The following CEP112 variants were observed in gnomAD, a reference collection of about 807,000 sequenced individuals.
CEP112 encodes centrosomal protein of 112 kDa.
CEP112 carries 127 observed loss-of-function variants against 153.0 expected under a neutral mutation model. The ratio of observed to expected loss-of-function variants is 0.83; its 90% CI spans 0.72 to 0.96. The LOEUF (loss-of-function observed/expected upper bound fraction) is 0.96, where lower values mean the gene tolerates loss of function less well. CEP112 is among the 40% of genes least tolerant of loss of function. CEP112 has a pLI of 0.00. For synonymous variants in CEP112, 358 were observed against 374.4 expected, an observed-to-expected ratio of 0.96 and a Z score of 0.51; for missense variants, 1,089 against 1,101.2, an observed-to-expected ratio of 0.99 and a Z score of 0.16.
intron 23 of CEP112, among the ~76,000 whole-genome samples, chr17:65,729,052 C>T (rs1281089169): frequency 6.6e-6 from 1 of 152,118 alleles, no homozygotes; most frequent in Admixed American, 6.5e-5. Context: ...TGCAGCTATA[C>T]AATATTTTTT....
chr17:65,797,160 C>A (rs887646067), intron 21 of CEP112: 1 of 152,216 alleles, frequency 6.6e-6, no homozygotes, highest in Non-Finnish European at 1.5e-5. Flanking sequence ...ATGATCAGTA[C>A]CACAGATTTC....
chr17:65,892,061 T>C lies in CEP112; in HGVS notation c.2163+10091A>G, dbSNP rs763882134. 4.7e-4 allele frequency among the ~76,000 whole-genome samples: 72 copies of C among 152,330 alleles called. 1 individual carries two copies. The highest frequency in any genetic ancestry group is 3.9e-4 in the East Asian group (2 of 5,182). On this transcript the variant is annotated intron_variant, in intron 20 of 26. Coordinates refer to ENST00000535342, the MANE Select transcript of CEP112 (RefSeq NM_001199165.4). ...TCCCCAATGCAACTGTAATTTCCTTTAGAGCAGAGTACTGGTCTATCTTGC... is the reference window on the plus strand; with the variant it reads ...TCCCCAATGCAACTGTAATTTCCTTCAGAGCAGAGTACTGGTCTATCTTGC...
chr17:65,966,373 C>T (rs1458725090), intron 17 of CEP112, among the ~76,000 whole-genome samples: 1 of 152,138 alleles, frequency 6.6e-6, no homozygotes, highest in Admixed American at 6.6e-5. Flanking sequence ...ACAGGTGAAC[C>T]TTAATTTGAA....
At chr17:65,738,274 C>T (rs868120165) in intron 23 of CEP112, among the ~76,000 whole-genome samples, 1 of 152,072 alleles carries the variant, frequency 6.6e-6, no homozygotes, top group Non-Finnish European at 1.5e-5. Flanking sequence ...ATCATAAACC[C>T]GGACAGTGTG....
rs552759959 is a variant in CEP112, at chr17:65,647,569, G to A, written c.2698-6504C>T. 1.6e-4 allele frequency among the ~76,000 whole-genome samples: 22 copies of A among 138,002 alleles called. 1 individual carries two copies. The highest frequency in any genetic ancestry group is 7.7e-4 in the South Asian group (3 of 3,902). 90.5% of individuals were successfully genotyped at this position (138,002 alleles called of 152,430 possible). ...CAGCTTATTGCAGCCTCAACCTCCC[G>A]AGGCTCAAGTGATCCTCCTGCCTCA... On this transcript the variant is annotated intron_variant, in intron 24 of 26. Transcript: ENST00000535342.
At chr17:65,876,092 G>A (rs971222267) in intron 20 of CEP112, among the ~76,000 whole-genome samples, 4 of 152,068 alleles carry the variant, frequency 2.6e-5, no homozygotes, top group Admixed American at 2.0e-4. Context: ...CTCCACTTCT[G>A]TTCCAATCTG....
At chr17:65,900,540 T>A (rs1186782975) in intron 20 of CEP112, among the ~76,000 whole-genome samples, 1 of 152,116 alleles carries the variant, frequency 6.6e-6, no homozygotes, top group Non-Finnish European at 1.5e-5. Flanking sequence ...CCCTCTAAAT[T>A]TGGCCTCCAC....
chr17:65,772,033 T>C (rs1380593850), intron 21 of CEP112, among the ~76,000 whole-genome samples: 1 of 151,390 alleles, frequency 6.6e-6, no homozygotes, highest in African/African-American at 2.4e-5. Context: ...GAAAAAAAAA[T>C]TGCAAAGGAA....
At chr17:65,685,862 A>G (rs940975841) in intron 24 of CEP112, among the ~76,000 whole-genome samples, 1 of 151,826 alleles carries the variant, frequency 6.6e-6, no homozygotes, top group Non-Finnish European at 1.5e-5. Flanking sequence ...TAGTAGAGAC[A>G]GGATTTCACC....
intron 23 of CEP112, among the ~76,000 whole-genome samples, chr17:65,728,895 C>T (rs1236964539): frequency 6.6e-6 from 1 of 152,052 alleles, no homozygotes; most frequent in Non-Finnish European, 1.5e-5. Flanking sequence ...TACACTTAGG[C>T]TATGCTAAAT....
intron 11 of CEP112, 94 bp from the exon 12 acceptor site, chr17:66,053,973 T>A (rs1033916873): frequency 9.8e-6 from 9 of 920,316 alleles, no homozygotes; most frequent in Non-Finnish European, 1.4e-5. Flanking sequence ...TTCCTCTATT[T>A]ATATATATGA....
intron 24 of CEP112, among the ~76,000 whole-genome samples, chr17:65,651,624 T>C (rs1598200314): frequency 6.6e-6 from 1 of 152,184 alleles, no homozygotes; most frequent in Non-Finnish European, 1.5e-5. Flanking sequence ...TTTTTGATTA[T>C]GGTCATTCCT....
intron 20 of CEP112, among the ~76,000 whole-genome samples, chr17:65,894,868 T>C (rs758988498): frequency 4.6e-5 from 7 of 152,218 alleles, no homozygotes; most frequent in East Asian, 1.9e-4. Flanking sequence ...ATATTAAGGA[T>C]TGCATATCTC....
At chr17:66,089,304 C>G (rs1342772041) in intron 8 of CEP112, among the ~76,000 whole-genome samples, 1 of 152,118 alleles carries the variant, frequency 6.6e-6, no homozygotes, top group Non-Finnish European at 1.5e-5. Context: ...GGAGACATAA[C>G]CCCAGCAAAA....
intron 24 of CEP112, among the ~76,000 whole-genome samples, chr17:65,679,686 C>T (rs1294946800): frequency 6.6e-6 from 1 of 152,182 alleles, no homozygotes; most frequent in Non-Finnish European, 1.5e-5. Context: ...CTGCCTGTGA[C>T]TCCATAGATT....
At chr17:65,961,312 CTT>C in intron 18 of CEP112, 149 bp downstream of exon 18, 1 of 694,876 alleles carries the variant, frequency 1.4e-6, no homozygotes. Context: ...GGTAACATCT[CTT>C]TCTCATTCTG....
At chr17:65,742,671 A>G (rs1175441248) in intron 23 of CEP112, among the ~76,000 whole-genome samples, 2 of 151,974 alleles carry the variant, frequency 1.3e-5, no homozygotes, top group African/African-American at 4.9e-5. Flanking sequence ...ATGCGAATAC[A>G]TAATGAAAGG....
At chr17:65,902,006 G>GGA (rs1277838039) in intron 20 of CEP112, 146 bp downstream of exon 20, 22 of 243,236 alleles carry the variant, frequency 9.0e-5, no homozygotes, top group African/African-American at 2.9e-4. Context: ...GGGTGGGGGG[G>GGA]AGAAAAACAA....
chr17:65,737,495 G>A (rs1001777066), intron 23 of CEP112, among the ~76,000 whole-genome samples: 3 of 152,188 alleles, frequency 2.0e-5, no homozygotes, highest in Admixed American at 2.0e-4. Context: ...ATCAGGGCTG[G>A]CTACCTCTGA....
Sources: gnomAD v4.1 joint callset for allele counts (sites outside exome capture counted in the v4.1 genomes callset) on GRCh38, gnomAD v4.1.1 for gene constraint, MANE v1.5 for transcripts, NCBI Gene and HGNC (gene_info 2026-07-23, HGNC 2026-07-21) for gene names.